The following ZNF560 variants were observed in gnomAD, a reference collection of about 807,000 sequenced individuals.
The protein encoded by ZNF560 is zinc finger protein 560.
Under a neutral mutation model 81.8 loss-of-function variants are expected in ZNF560, and 54 were observed. That is an observed-to-expected ratio of 0.66 (90% CI 0.53 to 0.83). The LOEUF is 0.83. Ranked by LOEUF, ZNF560 falls within the 40% of genes least tolerant of loss-of-function variation. ZNF560 has a pLI of 0.00. For missense variants in ZNF560, 940 were observed against 932.4 expected (o/e 1.01, Z -0.11); for synonymous variants, 321 against 317.9 (o/e 1.01, Z -0.10).
At chr19:9,490,554 G>A (rs2073455682) in intron 2 of ZNF560, among the ~76,000 whole-genome samples, 1 of 152,174 alleles carries the variant, frequency 6.6e-6, no homozygotes, top group Admixed American at 6.5e-5. Context: ...TATAGTAAAT[G>A]TTATACTCTG....
At chr19:9,483,690 C>T (rs1211040757) in intron 2 of ZNF560, among the ~76,000 whole-genome samples, 1 of 150,414 alleles carries the variant, frequency 6.6e-6, no homozygotes, top group African/African-American at 2.4e-5. Context: ...GCGCCTCCGC[C>T]CGGCCGCCGC....
chr19:9,457,815 C>CA, the ZNF560 span, among the ~76,000 whole-genome samples: 2 of 152,210 alleles, frequency 1.3e-5, no homozygotes, highest in African/African-American at 4.8e-5. Context: ...TGACTTATGC[C>CA]ATGAGTACTC....
the ZNF560 span, among the ~76,000 whole-genome samples, chr19:9,447,273 G>T: frequency 6.6e-6 from 1 of 151,774 alleles, no homozygotes; most frequent in African/African-American, 2.4e-5. Flanking sequence ...CTATATTTTA[G>T]CCCCAACCCT....
the ZNF560 span, among the ~76,000 whole-genome samples, chr19:9,457,795 C>T: frequency 6.6e-6 from 1 of 152,196 alleles, no homozygotes; most frequent in Non-Finnish European, 1.5e-5. Context: ...ACCGCCTGCT[C>T]TAGGCATTCT....
chr19:9,468,227 G>C lies in ZNF560; in HGVS notation c.720C>G (p.Asn240Lys). 1 of 1,614,116 alleles carries C rather than the reference G, an allele frequency of 6.2e-7. No homozygotes were observed. Residue 240 changes from asparagine to lysine, a missense_variant, in exon 10 of 10, where the codon AAC becomes AAG. Transcript: ENST00000301480. ...TTGCATACTGAATACATTCAGACGT[G>C]TTGCCTCTATTTTGAGTACTCATGT... ...KTNMSTQNRGNTSECIQYAKD... is the reference protein window; with the variant it reads ...KTNMSTQNRGKTSECIQYAKD...
the ZNF560 span, among the ~76,000 whole-genome samples, chr19:9,460,781 T>C: frequency 1.5e-3 from 231 of 152,318 alleles, no homozygotes; most frequent in Non-Finnish European, 2.5e-3. Flanking sequence ...GTAAACAGGA[T>C]TGGACCCGGT....
At chr19:9,477,107 G>A (rs1006417100) in intron 2 of ZNF560, among the ~76,000 whole-genome samples, 1 of 152,058 alleles carries the variant, frequency 6.6e-6, no homozygotes, top group South Asian at 2.1e-4. Context: ...ACTAGAAATA[G>A]TATATGTTCT....
downstream of ZNF560, among the ~76,000 whole-genome samples, chr19:9,463,797 C>G (rs2072972571): frequency 6.6e-6 from 1 of 152,228 alleles, no homozygotes; most frequent in African/African-American, 2.4e-5. Flanking sequence ...AGACACCTAT[C>G]TCAGCCTCCT....
chr19:9,480,056 G>T, intron 2 of ZNF560, among the ~76,000 whole-genome samples: 1 of 152,092 alleles, frequency 6.6e-6, no homozygotes, highest in East Asian at 1.9e-4. Context: ...TTGAACAACG[G>T]ACAGATCATT....
At chr19:9,484,798 A>G (rs903792322) in intron 2 of ZNF560, among the ~76,000 whole-genome samples, 1 of 151,842 alleles carries the variant, frequency 6.6e-6, no homozygotes, top group Middle Eastern at 3.4e-3. Flanking sequence ...ATAAGTAAAT[A>G]AGTAAATAAA....
At chr19:9,480,634 C>A (rs765636435) in intron 2 of ZNF560, among the ~76,000 whole-genome samples, 5 of 150,838 alleles carry the variant, frequency 3.3e-5, no homozygotes, top group Middle Eastern at 3.4e-3. Context: ...TTAGATAGAT[C>A]AAGGGGTGAA....
intron 2 of ZNF560, among the ~76,000 whole-genome samples, chr19:9,485,471 C>G (rs1402414300): frequency 6.7e-6 from 1 of 149,116 alleles, no homozygotes; most frequent in Non-Finnish European, 1.5e-5. Flanking sequence ...CACACCACTG[C>G]ACTCCAGCCT....
upstream of ZNF560, among the ~76,000 whole-genome samples, chr19:9,502,506 G>A (rs528334994): frequency 9.2e-5 from 14 of 152,206 alleles, no homozygotes; most frequent in African/African-American, 2.4e-4. Context: ...CACAACACCC[G>A]GCCTCCTGTT....
chr19:9,478,537 T>C (rs2073237141), intron 2 of ZNF560, among the ~76,000 whole-genome samples: 1 of 152,162 alleles, frequency 6.6e-6, no homozygotes, highest in Non-Finnish European at 1.5e-5. Context: ...ATGAATTATA[T>C]CCTTACGATG....
chr19:9,500,100 G>C (rs1297344650), upstream of ZNF560, among the ~76,000 whole-genome samples: 1 of 151,846 alleles, frequency 6.6e-6, no homozygotes, highest in African/African-American at 2.4e-5. Flanking sequence ...ATTTCCTGTA[G>C]AGGCTGGGCA....
At chr19:9,447,135 A>C in the ZNF560 span, among the ~76,000 whole-genome samples, 28 of 122,966 alleles carry the variant, frequency 2.3e-4, no homozygotes, top group African/African-American at 1.5e-3. Flanking sequence ...CTCCGTCACA[A>C]AAAAAAAAAA....
chr19:9,485,357 C>T (rs12460174), intron 2 of ZNF560, among the ~76,000 whole-genome samples: 22,820 of 151,744 alleles, frequency 0.15, 2,568 homozygotes, highest in African/African-American at 0.31. Flanking sequence ...CTGGAATGCA[C>T]GGATGGTTCA....
Position 9,471,346 on chromosome 19 carries a change from C to A in ZNF560, c.271G>T (p.Ala91Ser). Residue 91 changes from alanine to serine, a missense_variant, in exon 6 of 10, where the codon GCA (alanine) becomes TCA (serine). Physicochemically the swap from Ala to Ser is moderately conservative, Grantham distance 99. Transcript: ENST00000301480. ...ATTTTCCAAAACTCCTGCTGCAGTG[C>A]TGAAACACTGGTTTGATGTTTTATT... ...WAIKHQTSVS[A>S]LQQEFWKIQT... 1 of 1,594,108 alleles carries A rather than the reference C, an allele frequency of 6.3e-7. No homozygotes were observed. The highest frequency in any genetic ancestry group is 8.5e-7 in the Non-Finnish European group (1 of 1,172,094).
the ZNF560 span, among the ~76,000 whole-genome samples, chr19:9,457,249 G>A: frequency 6.6e-6 from 1 of 152,138 alleles, no homozygotes; most frequent in Admixed American, 6.5e-5. Context: ...TAACCTATTG[G>A]GGCATTACAG....
Sources: gnomAD v4.1 joint callset for allele counts (sites outside exome capture counted in the v4.1 genomes callset) on GRCh38, gnomAD v4.1.1 for gene constraint, MANE v1.5 for transcripts, NCBI Gene and HGNC (gene_info 2026-07-23, HGNC 2026-07-21) for gene names.